The following CHRM1 variants were observed in gnomAD, a reference collection of about 807,000 sequenced individuals.
CHRM1 encodes cholinergic receptor muscarinic 1, also known as muscarinic acetylcholine receptor M1.
CHRM1 carries 5 observed loss-of-function variants against 31.6 expected under a neutral mutation model. The ratio of observed to expected loss-of-function variants is 0.16; its 90% CI spans 0.08 to 0.33. CHRM1 has a LOEUF of 0.33. Among genes scored for constraint, CHRM1 ranks in the 10% least tolerant of loss-of-function variants. CHRM1 has a pLI of 1.00. For synonymous variants in CHRM1, 227 were observed against 249.7 expected, an observed-to-expected ratio of 0.91 and a Z score of 0.86; for missense variants, 338 against 610.3, an observed-to-expected ratio of 0.55 and a Z score of 4.70.
At chr11:62,914,286 A>G (rs961951561) in intron 1 of CHRM1, among the ~76,000 whole-genome samples, 2 of 152,164 alleles carry the variant, frequency 1.3e-5, no homozygotes, top group African/African-American at 2.4e-5. Flanking sequence ...GACTGAGAAA[A>G]GCAAGGGAAT....
In CHRM1 at chr11:62,909,044, C is replaced by T. The variant is rs919391550; in HGVS notation, c.*674G>A. The T allele has an allele frequency of 1.3e-5, 2 of 152,408 alleles. No individual in the cohort carries two copies. The highest frequency in any genetic ancestry group is 4.8e-5 in the African/African-American group (2 of 41,446). 9.4% of individuals were successfully genotyped at this position (152,408 alleles called of 1,614,324 possible). ...ATGATATTGTAGGACAGTCAGGACACCTGGCTCCTGGTCCTGTTGCTGCCT... is the reference window on the plus strand; with the variant it reads ...ATGATATTGTAGGACAGTCAGGACATCTGGCTCCTGGTCCTGTTGCTGCCT... On this transcript the variant is annotated 3_prime_UTR_variant, in exon 2 of 2. Transcript: ENST00000306960.
chr11:62,910,483 C>A lies in CHRM1; in HGVS notation c.618G>T (p.Thr206=). The change falls in exon 2 of 2, where the codon ACG becomes ACT. Residue 206 remains threonine, a synonymous_variant. Coordinates refer to ENST00000306960, the MANE Select transcript of CHRM1 (RefSeq NM_000738.3). This position sits in a 1 kb window ranked among gnomAD's most constrained non-coding sequence, Gnocchi z 8.7. ...TCTCCCGGTAGATGCGCCAGTAGAG[C>A]GTGCACATGACTGTGACAGGGAGGT... is the stretch of plus-strand genomic sequence containing the variant. The part of the protein sequence containing the change: ...AFYLPVTVMC[T]LYWRIYRETE... 6.2e-7 allele frequency: 1 copy of A among 1,614,148 alleles called. No individual in the cohort carries two copies. Among genetic ancestry groups the A allele is most frequent in the Non-Finnish European group, 8.5e-7 (1 of 1,180,046 alleles).
At chr11:62,921,714 A>G (rs372160563), upstream of CHRM1, 2 of 134,236 alleles carry the variant, frequency 1.5e-5, no homozygotes, top group African/African-American at 5.6e-5. Context: ...ACCCAACCTT[A>G]GAGCCCCCAG....
intron 1 of CHRM1, among the ~76,000 whole-genome samples, chr11:62,913,879 C>T (rs915135106): frequency 1.3e-5 from 2 of 150,570 alleles, no homozygotes; most frequent in African/African-American, 4.9e-5. Context: ...GAGTCTCGCT[C>T]TGTCATACAG....
At chr11:62,913,597 G>C (rs753207086) in intron 1 of CHRM1, among the ~76,000 whole-genome samples, 24 of 151,756 alleles carry the variant, frequency 1.6e-4, no homozygotes, top group Admixed American at 9.2e-4. Flanking sequence ...CTTGAACCCA[G>C]GAAGCAGAGG....
In CHRM1 at chr11:62,910,648, C is replaced by A. The variant is rs755589700; in HGVS notation, c.453G>T (p.Leu151=). 1 of 1,614,202 alleles carries A rather than the reference C, an allele frequency of 6.2e-7. No individual in the cohort carries two copies. The highest frequency in any genetic ancestry group is 1.1e-5 in the South Asian group (1 of 91,086). The change falls in exon 2 of 2, where the codon CTG becomes CTT. Residue 151 remains leucine, a synonymous_variant. Transcript: ENST00000306960. This position sits in a 1 kb window ranked among gnomAD's most constrained non-coding sequence, Gnocchi z 8.7. ...RAALMIGLAW[L]VSFVLWAPAI... ...CTGGGGCCCAGAGCACAAAGGAAACCAGCCAGGCCAGGCCGATCATCAGAG... is the reference window on the plus strand; with the variant it reads ...CTGGGGCCCAGAGCACAAAGGAAACAAGCCAGGCCAGGCCGATCATCAGAG...
At chr11:62,918,636 G>A (rs926187022) in intron 1 of CHRM1, among the ~76,000 whole-genome samples, 6 of 152,344 alleles carry the variant, frequency 3.9e-5, no homozygotes, top group African/African-American at 1.4e-4. Flanking sequence ...AGACATGGAC[G>A]TGCCAAAGCA....
intron 1 of CHRM1, among the ~76,000 whole-genome samples, chr11:62,916,446 G>T (rs768218652): frequency 6.6e-6 from 1 of 152,186 alleles, no homozygotes; most frequent in Non-Finnish European, 1.5e-5. Flanking sequence ...AATGCTTTCA[G>T]AACAGGGGAC....
chr11:62,916,483 C>G (rs2085901021), intron 1 of CHRM1, among the ~76,000 whole-genome samples: 1 of 152,120 alleles, frequency 6.6e-6, no homozygotes, highest in African/African-American at 2.4e-5. Context: ...CTCAAGGAGT[C>G]CTTGGAGGTG....
chr11:62,914,214 G>A (rs1244088376), intron 1 of CHRM1, among the ~76,000 whole-genome samples: 1 of 152,104 alleles, frequency 6.6e-6, no homozygotes, highest in Non-Finnish European at 1.5e-5. Flanking sequence ...AAAGTGCTGG[G>A]ATTACAGGCG....
At chr11:62,915,174 CAAAAAAAA>C (rs34590771) in intron 1 of CHRM1, among the ~76,000 whole-genome samples, 1 of 22,724 alleles carries the variant, frequency 4.4e-5, no homozygotes, top group Non-Finnish European at 7.5e-5. Context: ...GACCCTGTCT[CAAAAAAAA>C]AAAAAAAAAA....
chr11:62,912,394 A>T (rs1284927587), intron 1 of CHRM1, among the ~76,000 whole-genome samples: 5 of 145,258 alleles, frequency 3.4e-5, no homozygotes, highest in Non-Finnish European at 4.5e-5. Flanking sequence ...AACCAAAAGG[A>T]AAAAAAAAAG....
chr11:62,911,978 A>G (rs118112787), intron 1 of CHRM1, among the ~76,000 whole-genome samples: 4,713 of 152,162 alleles, frequency 0.031, 91 homozygotes, highest in South Asian at 0.076. Context: ...GCGGGTTTAC[A>G]TACGTATGTA....
At chr11:62,921,750 C>T (rs1484535594), upstream of CHRM1, 2 of 152,024 alleles carry the variant, frequency 1.3e-5, no homozygotes, top group African/African-American at 2.4e-5. Context: ...CCCCAACACA[C>T]ATGCCCTGGT....
At chr11:62,920,019 G>A (rs1356063296) in intron 1 of CHRM1, among the ~76,000 whole-genome samples, 3 of 152,204 alleles carry the variant, frequency 2.0e-5, no homozygotes, top group Non-Finnish European at 4.4e-5. Context: ...TGCGAGCCAA[G>A]ACCCACATCT....
intron 1 of CHRM1, among the ~76,000 whole-genome samples, chr11:62,914,535 A>G (rs549954274): frequency 6.6e-6 from 1 of 152,334 alleles, no homozygotes; most frequent in African/African-American, 2.4e-5. Flanking sequence ...GGCTTTCCCC[A>G]GTGAGGCCAC....
chr11:62,910,008 G>A lies in CHRM1; in HGVS notation c.1093C>T (p.Arg365Trp), dbSNP rs1158763845. Residue 365 changes from arginine (R) to tryptophan (W), a missense_variant, in exon 2 of 2, where the codon CGG becomes TGG. By Grantham distance (101) the Arg-to-Trp change is moderately radical. Transcript: ENST00000306960. The surrounding 1 kb of genome is among the most constrained non-coding windows in gnomAD (Gnocchi z 8.7). ...FSLVKEKKAA[R>W]TLSAILLAFI... ...GCCAGGAGGATGGCACTCAGGGTCC[G>A]AGCCGCCTTCTTCTCCTTGACCAGC... is the stretch of plus-strand genomic sequence containing the variant. The A allele has an allele frequency of 6.2e-7, 1 of 1,613,990 alleles. No individual in the cohort carries two copies. Among genetic ancestry groups the A allele is most frequent in the Non-Finnish European group, 8.5e-7 (1 of 1,180,012 alleles).
intron 1 of CHRM1, among the ~76,000 whole-genome samples, chr11:62,912,618 A>T (rs937783394): frequency 6.6e-6 from 1 of 152,226 alleles, no homozygotes; most frequent in Non-Finnish European, 1.5e-5. Flanking sequence ...GTAAAGAGAA[A>T]GGCCGGGGCC....
chr11:62,910,308 C>T lies in CHRM1; in HGVS notation c.793G>A (p.Ala265Thr), dbSNP rs1021265016. The change falls in exon 2 of 2, where the codon GCC becomes ACC. Residue 265 changes from alanine (A) to threonine (T), a missense_variant. Transcript: ENST00000306960. The surrounding 1 kb of genome is among the most constrained non-coding windows in gnomAD (Gnocchi z 8.7). Reference sequence around the variant, plus strand: ...CTGTAGGCCTGCAGCAGCCTGGGGGCCCGGCAGCAGCGACAGCAGCGGCCT... The same window carrying T: ...CTGTAGGCCTGCAGCAGCCTGGGGGTCCGGCAGCAGCGACAGCAGCGGCCT... Reference protein sequence around the residue: ...PPGRCCRCCRAPRLLQAYSWK... With the variant: ...PPGRCCRCCRTPRLLQAYSWK... 1 of 1,611,822 alleles carries T rather than the reference C, an allele frequency of 6.2e-7. No homozygotes were observed. The highest frequency in any genetic ancestry group is 1.1e-5 in the South Asian group (1 of 91,074).
Sources: allele counts gnomAD v4.1 joint callset (sites outside exome capture counted in the v4.1 genomes callset), GRCh38; gene constraint gnomAD v4.1.1; non-coding constraint Gnocchi (gnomAD v3.1); transcripts MANE v1.5; gene names NCBI Gene and HGNC (gene_info 2026-07-23, HGNC 2026-07-21).